The following PTCHD4 variants were observed in gnomAD, a reference collection of about 807,000 sequenced individuals.
PTCHD4 encodes the protein patched domain containing 4.
In PTCHD4, 33 loss-of-function variants were observed where a neutral mutation model predicts 58.1. The ratio of observed to expected loss-of-function variants is 0.57; its 90% CI spans 0.43 to 0.76. The LOEUF (loss-of-function observed/expected upper bound fraction) is 0.76. PTCHD4 is among the 30% of genes least tolerant of loss of function. The probability of loss-of-function intolerance (pLI) is 0.00; values close to 1 mark genes in which losing one functional copy is unlikely to be tolerated. For missense variants in PTCHD4, 1,058 were observed against 1,027.1 expected (o/e 1.03, Z -0.41); for synonymous variants, 478 against 409.6 (o/e 1.17, Z -2.02).
chr6:47,980,681 C>T (rs1266170520), intron 4 of PTCHD4, among the ~76,000 whole-genome samples: 1 of 151,524 alleles, frequency 6.6e-6, no homozygotes, highest in African/African-American at 2.4e-5. Context: ...GATAAAGTTT[C>T]AAAGTAATTA....
chr6:48,054,975 C>A (rs1192414972), intron 3 of PTCHD4, among the ~76,000 whole-genome samples: 2 of 152,048 alleles, frequency 1.3e-5, no homozygotes, highest in East Asian at 1.9e-4. Context: ...ATTTTTTGAT[C>A]CCAGAAAAGC....
intron 4 of PTCHD4, among the ~76,000 whole-genome samples, chr6:47,955,550 G>A (rs1164190267): frequency 6.6e-6 from 1 of 152,166 alleles, no homozygotes; most frequent in Non-Finnish European, 1.5e-5. Context: ...AAGTGGTCCA[G>A]TTTTCCTGGA....
intron 4 of PTCHD4, among the ~76,000 whole-genome samples, chr6:47,928,373 A>G (rs1765695443): frequency 6.6e-6 from 1 of 152,236 alleles, no homozygotes; most frequent in Admixed American, 6.5e-5. Context: ...ATCTAAAAGA[A>G]TACTATGTTA....
intron 3 of PTCHD4, among the ~76,000 whole-genome samples, chr6:48,044,763 A>G (rs555540771): frequency 9.2e-5 from 14 of 151,960 alleles, no homozygotes; most frequent in Admixed American, 2.0e-4. Context: ...ATTGAAATGA[A>G]TAAGATAGGA....
intron 4 of PTCHD4, among the ~76,000 whole-genome samples, chr6:47,890,264 G>C (rs1403045400): frequency 6.6e-6 from 1 of 151,856 alleles, no homozygotes; most frequent in East Asian, 1.9e-4. Flanking sequence ...AATAGCAATA[G>C]AGATGGGAGA....
chr6:48,013,377 T>TTC (rs766372609), intron 3 of PTCHD4, among the ~76,000 whole-genome samples: 79 of 100,604 alleles, frequency 7.9e-4, no homozygotes, highest in Non-Finnish European at 1.3e-3. Flanking sequence ...TCAGTTGAGT[T>TTC]TTTTTTTTTT....
At chr6:48,023,034 T>C (rs1763120518) in intron 3 of PTCHD4, among the ~76,000 whole-genome samples, 2 of 152,146 alleles carry the variant, frequency 1.3e-5, no homozygotes, top group South Asian at 4.1e-4. Context: ...TCAAGCTAAA[T>C]ATGTTGTAAG....
chr6:48,010,894 C>T (rs552990244), intron 3 of PTCHD4, among the ~76,000 whole-genome samples: 3 of 152,188 alleles, frequency 2.0e-5, no homozygotes, highest in Non-Finnish European at 4.4e-5. Context: ...CAGCTTCATC[C>T]AAAGGACATG....
At chr6:47,883,526 G>A (rs1764086600) in intron 4 of PTCHD4, among the ~76,000 whole-genome samples, 1 of 152,138 alleles carries the variant, frequency 6.6e-6, no homozygotes, top group Admixed American at 6.5e-5. Flanking sequence ...TTATTAAAAT[G>A]CTAGATATTA....
chr6:47,913,752 G>A (rs1765141157), intron 4 of PTCHD4, among the ~76,000 whole-genome samples: 2 of 152,116 alleles, frequency 1.3e-5, no homozygotes, highest in Admixed American at 6.6e-5. Flanking sequence ...AAAAGTCTAT[G>A]AGCAGAGATG....
At chr6:48,005,318 C>A (rs914639486) in intron 4 of PTCHD4, among the ~76,000 whole-genome samples, 8 of 152,116 alleles carry the variant, frequency 5.3e-5, no homozygotes, top group African/African-American at 1.9e-4. Flanking sequence ...TGAGTATTGA[C>A]ACATAATGGA....
At chr6:47,881,306 C>T (rs1398753357) in intron 4 of PTCHD4, among the ~76,000 whole-genome samples, 1 of 152,104 alleles carries the variant, frequency 6.6e-6, no homozygotes, top group African/African-American at 2.4e-5. Flanking sequence ...CTGTATAATT[C>T]CTCCCTTTCT....
rs141557524 is a variant in PTCHD4, at chr6:48,011,256, T to C, written c.418-2142A>G. ...CCAGCATCTGTTGTTTCCTGACTTT[T>C]TAATGATTACCACTCTAACTGGCAT... is the stretch of plus-strand genomic sequence containing the variant. On this transcript the variant is annotated intron_variant, in intron 3 of 4. Coordinates refer to ENST00000339488, the MANE Select transcript of PTCHD4 (RefSeq NM_001384253.1). 4.6e-4 allele frequency among the ~76,000 whole-genome samples: 70 copies of C among 152,346 alleles called. 1 individual carries two copies. The East Asian group carries it at 0.014, about 29-fold the overall frequency.
intron 4 of PTCHD4, among the ~76,000 whole-genome samples, chr6:47,905,455 G>C (rs1444816857): frequency 6.6e-6 from 1 of 152,086 alleles, no homozygotes; most frequent in Non-Finnish European, 1.5e-5. Context: ...TATTATTCTG[G>C]GTTCTATATT....
At chr6:48,087,472 A>G (rs1224382082) in intron 1 of PTCHD4, among the ~76,000 whole-genome samples, 5 of 152,202 alleles carry the variant, frequency 3.3e-5, no homozygotes, top group Non-Finnish European at 7.3e-5. Context: ...GTTAATATTA[A>G]TGATGTTAAT....
chr6:47,955,825 G>T lies in PTCHD4; in HGVS notation c.898+52809C>A, dbSNP rs2113957029. 1.3e-5 allele frequency among the ~76,000 whole-genome samples: 2 copies of T among 152,268 alleles called. 1 individual carries two copies. The highest frequency in any genetic ancestry group is 4.1e-4 in the South Asian group (2 of 4,824). On this transcript the variant is annotated intron_variant, in intron 4 of 4. Coordinates refer to ENST00000339488, the MANE Select transcript of PTCHD4 (RefSeq NM_001384253.1). ...AAACACTGAGAGTGTGTGCATTTAG[G>T]AGTATAGTAAGAGATAAGCCTGGAT...
chr6:48,035,543 G>A (rs1049472338), intron 3 of PTCHD4, among the ~76,000 whole-genome samples: 12 of 152,108 alleles, frequency 7.9e-5, no homozygotes, highest in Non-Finnish European at 1.5e-4. Flanking sequence ...TTCTGACAAA[G>A]ATTCTCTCCT....
rs1765865081 is a variant in PTCHD4 at position 48,111,052 on chromosome 6, C to T, written c.-973G>A. Among the ~76,000 whole-genome samples the T allele has an allele frequency of 1.3e-5, 2 of 151,966 alleles. No homozygotes were observed. Among genetic ancestry groups the T allele is most frequent in the Non-Finnish European group, 2.9e-5 (2 of 68,006 alleles). On this transcript the variant is annotated 5_prime_UTR_variant, in exon 1 of 5. Coordinates refer to ENST00000339488, the MANE Select transcript of PTCHD4 (RefSeq NM_001384253.1). ...GGCTGATGTGGGGTTCCCTTACCTT[C>T]TGGCTTTCGGTTTGGATTGGCGCAT...
At chr6:48,081,409 C>G (rs1765164926) in intron 1 of PTCHD4, among the ~76,000 whole-genome samples, 1 of 152,148 alleles carries the variant, frequency 6.6e-6, no homozygotes. Context: ...CTCTCAAATC[C>G]ATCTTCTGCC....
Sources: allele counts gnomAD v4.1 joint callset (sites outside exome capture counted in the v4.1 genomes callset), GRCh38; gene constraint gnomAD v4.1.1; transcripts MANE v1.5; gene names NCBI Gene and HGNC (gene_info 2026-07-23, HGNC 2026-07-21).